The following ZSWIM6 variants were observed in gnomAD, a reference collection of about 807,000 sequenced individuals.
ZSWIM6 encodes zinc finger SWIM domain-containing protein 6.
In ZSWIM6, 9 loss-of-function variants were observed where a neutral mutation model predicts 113.2. The observed-to-expected ratio is 0.08, with a 90% CI of 0.05 to 0.14. The LOEUF (loss-of-function observed/expected upper bound fraction) is 0.14. Ranked by LOEUF, ZSWIM6 falls within the 10% of genes least tolerant of loss-of-function variation. The pLI, the probability that ZSWIM6 is intolerant of heterozygous loss-of-function variation, is 1.00. For missense variants in ZSWIM6, 1,162 were observed against 1,552.2 expected, an observed-to-expected ratio of 0.75 and a Z score of 4.22; for synonymous variants, 611 against 606.5, an observed-to-expected ratio of 1.01 and a Z score of -0.11.
At chr5:61,495,625 A>G (rs2112221709) in intron 4 of ZSWIM6, among the ~76,000 whole-genome samples, 1 of 152,256 alleles carries the variant, frequency 6.6e-6, no homozygotes. Context: ...ATCAATCTGT[A>G]ACTACAATAG....
chr5:61,485,746 C>T (rs1465377526), intron 2 of ZSWIM6, among the ~76,000 whole-genome samples: 7 of 152,092 alleles, frequency 4.6e-5, no homozygotes, highest in Admixed American at 1.3e-4. Context: ...TATGTATTTT[C>T]GCCCCTCAAT....
intron 4 of ZSWIM6, among the ~76,000 whole-genome samples, chr5:61,516,820 C>T (rs1748957943): frequency 6.6e-6 from 1 of 151,976 alleles, no homozygotes; most frequent in Non-Finnish European, 1.5e-5. Context: ...TTTCCTTCAA[C>T]ATTTCTTTTA....
At chr5:61,361,925 C>G (rs188314454) in intron 1 of ZSWIM6, among the ~76,000 whole-genome samples, 2 of 152,294 alleles carry the variant, frequency 1.3e-5, no homozygotes, top group Admixed American at 1.3e-4. Context: ...AGAACGCTAA[C>G]AGACAAACCT....
intron 1 of ZSWIM6, among the ~76,000 whole-genome samples, chr5:61,368,982 A>G (rs1331157941): frequency 6.6e-6 from 1 of 152,260 alleles, no homozygotes; most frequent in Non-Finnish European, 1.5e-5. Flanking sequence ...GTGGCATATA[A>G]TGTGTGAAGG....
In ZSWIM6 at chr5:61,373,300, AC is replaced by A. The variant is rs1745303871; in HGVS notation, c.676+40354del. On this transcript the variant is annotated intron_variant, in intron 1 of 13. Coordinates refer to ENST00000252744, the MANE Select transcript of ZSWIM6 (RefSeq NM_020928.2). ...GAAGCTTTGCTAGAATGTGTCAGTC[AC>A]CACTGGGTCTTTTTTTGGAGGGGGA... 2.0e-5 allele frequency among the ~76,000 whole-genome samples: 3 copies of A among 150,750 alleles called. No homozygotes were observed. The East Asian group carries it at 5.8e-4, about 29-fold the overall frequency.
chr5:61,352,798 C>A (rs1387505456), intron 1 of ZSWIM6, among the ~76,000 whole-genome samples: 9 of 152,200 alleles, frequency 5.9e-5, no homozygotes, highest in Admixed American at 5.9e-4. Flanking sequence ...CAGGGAAAAA[C>A]CAAACAGTCC....
intron 1 of ZSWIM6, among the ~76,000 whole-genome samples, chr5:61,369,784 T>A (rs1279084166): frequency 6.6e-6 from 1 of 152,134 alleles, no homozygotes; most frequent in East Asian, 1.9e-4. Context: ...TCAGAAACTG[T>A]CAGTCTAGTA....
At chr5:61,359,493 A>C (rs1305843001) in intron 1 of ZSWIM6, among the ~76,000 whole-genome samples, 1 of 152,156 alleles carries the variant, frequency 6.6e-6, no homozygotes, top group Non-Finnish European at 1.5e-5. Flanking sequence ...GAGTGCCTTC[A>C]TCCAAGCTAG....
intron 4 of ZSWIM6, among the ~76,000 whole-genome samples, chr5:61,504,310 G>A (rs1483825162): frequency 6.6e-6 from 1 of 152,108 alleles, no homozygotes; most frequent in Non-Finnish European, 1.5e-5. Context: ...ATTCTCCCTT[G>A]CCATCAATGC....
At chr5:61,418,197 G>A (rs1746291704) in intron 1 of ZSWIM6, among the ~76,000 whole-genome samples, 1 of 151,990 alleles carries the variant, frequency 6.6e-6, no homozygotes, top group South Asian at 2.1e-4. Context: ...ACCTATCCAG[G>A]GATTTTGAAA....
chr5:61,428,799 C>T (rs1042877539), intron 1 of ZSWIM6, among the ~76,000 whole-genome samples: 2 of 152,094 alleles, frequency 1.3e-5, no homozygotes, highest in African/African-American at 4.8e-5. Flanking sequence ...TTTTAGTTTT[C>T]TGTTGTTTTT....
intron 4 of ZSWIM6, among the ~76,000 whole-genome samples, chr5:61,496,094 C>T (rs548450942): frequency 4.1e-4 from 63 of 152,252 alleles, no homozygotes; most frequent in Non-Finnish European, 5.3e-4. Context: ...CCTTAACCCT[C>T]AATCAGAAAT....
chr5:61,451,250 G>A lies in ZSWIM6; in HGVS notation c.677-21431G>A, dbSNP rs563382667. Among the ~76,000 whole-genome samples the A allele has an allele frequency of 3.9e-5, 6 of 152,284 alleles. No individual in the cohort carries two copies. In the South Asian group the frequency reaches 1.0e-3, roughly 26 times the overall value. ...GCAGGAATGTTTTAGTTAGCTTCAGGAAGTCAGGATACCAATGTCAGAGTA... is the reference window on the plus strand; with the variant it reads ...GCAGGAATGTTTTAGTTAGCTTCAGAAAGTCAGGATACCAATGTCAGAGTA... On this transcript the variant is annotated intron_variant, in intron 1 of 13. Coordinates refer to ENST00000252744, the MANE Select transcript of ZSWIM6 (RefSeq NM_020928.2).
chr5:61,369,833 T>A (rs1745228489), intron 1 of ZSWIM6, among the ~76,000 whole-genome samples: 1 of 152,214 alleles, frequency 6.6e-6, no homozygotes, highest in Non-Finnish European at 1.5e-5. Context: ...TAAAAATGAT[T>A]TTTTTATCTA....
chr5:61,533,903 A>G (rs144980167), intron 9 of ZSWIM6, among the ~76,000 whole-genome samples: 1 of 152,232 alleles, frequency 6.6e-6, no homozygotes, highest in East Asian at 1.9e-4. Context: ...TGATGAGGGC[A>G]CTCTTCCTGT....
intron 2 of ZSWIM6, among the ~76,000 whole-genome samples, chr5:61,488,990 G>GA (rs966583023): frequency 1.3e-5 from 2 of 151,790 alleles, no homozygotes; most frequent in African/African-American, 2.4e-5. Context: ...TACTCTCAGG[G>GA]AAAAAAACTA....
At chr5:61,488,593 A>G (rs1210265451) in intron 2 of ZSWIM6, among the ~76,000 whole-genome samples, 4 of 151,966 alleles carry the variant, frequency 2.6e-5, no homozygotes, top group African/African-American at 7.2e-5. Flanking sequence ...GTTTTGGGGC[A>G]TATAGTTGTT....
At chr5:61,518,377 A>G (rs1238411318) in intron 4 of ZSWIM6, among the ~76,000 whole-genome samples, 2 of 151,322 alleles carry the variant, frequency 1.3e-5, no homozygotes, top group African/African-American at 2.4e-5. Flanking sequence ...GACTTCCACA[A>G]TGGTTGAACT....
At chr5:61,333,072 C>T in intron 1 of ZSWIM6, 124 bp downstream of exon 1, 1 of 987,840 alleles carries the variant, frequency 1.0e-6, no homozygotes, top group Non-Finnish European at 1.2e-6. Flanking sequence ...TGCGGGTGTC[C>T]TCACTGGCCC....
Sources: allele counts gnomAD v4.1 joint callset (sites outside exome capture counted in the v4.1 genomes callset), GRCh38; gene constraint gnomAD v4.1.1; transcripts MANE v1.5; gene names NCBI Gene and HGNC (gene_info 2026-07-23, HGNC 2026-07-21).